The following SIPA1L1 variants were observed in gnomAD, a reference collection of about 807,000 sequenced individuals.
SIPA1L1 encodes signal induced proliferation associated 1 like 1.
Under a neutral mutation model 162.7 loss-of-function variants are expected in SIPA1L1, and 26 were observed. That is an observed-to-expected ratio of 0.16 (90% CI 0.12 to 0.22). The LOEUF (loss-of-function observed/expected upper bound fraction) is 0.22, where lower values mean the gene tolerates loss of function less well. SIPA1L1 is among the 10% of genes least tolerant of loss of function. The pLI, the probability that SIPA1L1 is intolerant of heterozygous loss-of-function variation, is 1.00. For synonymous variants in SIPA1L1, 829 were observed against 837.4 expected (o/e 0.99, Z 0.17); for missense variants, 1,874 against 2,241.0 (o/e 0.84, Z 3.31).
chr14:71,731,774 A>G (rs1028313974), intron 20 of SIPA1L1, among the ~76,000 whole-genome samples: 5 of 152,206 alleles, frequency 3.3e-5, no homozygotes, highest in African/African-American at 4.8e-5. Context: ...TGAGTCCACA[A>G]TGGAAAGGCA....
chr14:71,497,735 T>C (rs889355649), intron 2 of SIPA1L1: 1 of 152,260 alleles, frequency 6.6e-6, no homozygotes, highest in African/African-American at 2.4e-5. Flanking sequence ...CCAATTTGCT[T>C]ATACAATCAC....
At chr14:71,535,952 T>C (rs1269976895) in intron 4 of SIPA1L1, among the ~76,000 whole-genome samples, 3 of 152,246 alleles carry the variant, frequency 2.0e-5, no homozygotes, top group South Asian at 2.1e-4. Flanking sequence ...AGTGTATCTG[T>C]CCCCTGCTAC....
chr14:71,382,557 G>A (rs750413000), intron 2 of SIPA1L1, among the ~76,000 whole-genome samples: 5 of 152,146 alleles, frequency 3.3e-5, no homozygotes, highest in African/African-American at 9.7e-5. Context: ...GGCAGTTGTC[G>A]GTCTCTTTAA....
chr14:71,676,812 T>C (rs569892271), intron 12 of SIPA1L1, among the ~76,000 whole-genome samples: 2 of 152,182 alleles, frequency 1.3e-5, no homozygotes, highest in Admixed American at 1.3e-4. Context: ...TAATTCATCC[T>C]TTTTTACGGC....
At chr14:71,338,499 G>T (rs572775464) in intron 2 of SIPA1L1, among the ~76,000 whole-genome samples, 1 of 152,278 alleles carries the variant, frequency 6.6e-6, no homozygotes, top group South Asian at 2.1e-4. Flanking sequence ...TCTGGACAGG[G>T]TCATTGTAAA....
At chr14:71,651,013 T>C (rs1412038052) in intron 8 of SIPA1L1, among the ~76,000 whole-genome samples, 1 of 152,178 alleles carries the variant, frequency 6.6e-6, no homozygotes, top group Non-Finnish European at 1.5e-5. Flanking sequence ...TCTGAGAAAA[T>C]AGGCTTTTTA....
intron 2 of SIPA1L1, among the ~76,000 whole-genome samples, chr14:71,399,869 T>C (rs571016804): frequency 5.9e-5 from 9 of 152,154 alleles, no homozygotes; most frequent in African/African-American, 1.9e-4. Flanking sequence ...TACAGGTGTA[T>C]ACCATGACAC....
chr14:71,339,850 C>A (rs1465053719), intron 2 of SIPA1L1, among the ~76,000 whole-genome samples: 1 of 152,124 alleles, frequency 6.6e-6, no homozygotes, highest in Non-Finnish European at 1.5e-5. Flanking sequence ...TATAAACAAG[C>A]CTGTGAGATA....
intron 17 of SIPA1L1, among the ~76,000 whole-genome samples, chr14:71,711,379 G>T (rs142681621): frequency 2.1e-3 from 325 of 152,322 alleles, no homozygotes; most frequent in African/African-American, 7.4e-3. Flanking sequence ...TCAGTAGACT[G>T]TGCATTGACT....
chr14:71,480,238 A>G (rs1305092329), intron 2 of SIPA1L1, among the ~76,000 whole-genome samples: 5 of 151,576 alleles, frequency 3.3e-5, no homozygotes, highest in Non-Finnish European at 7.4e-5. Context: ...GTTTGCCACC[A>G]TGCCCAGCTA....
At chr14:71,550,350 G>C (rs1456904991) in intron 4 of SIPA1L1, among the ~76,000 whole-genome samples, 1 of 152,302 alleles carries the variant, frequency 6.6e-6, no homozygotes, top group East Asian at 1.9e-4. Context: ...CTTAGGAGAG[G>C]ACCTCAGAAA....
intron 5 of SIPA1L1, among the ~76,000 whole-genome samples, chr14:71,590,816 T>TG (rs1224741022): frequency 6.6e-6 from 1 of 152,194 alleles, no homozygotes; most frequent in Admixed American, 6.6e-5. Context: ...GATTCTTTGT[T>TG]GGGGTAGCGT....
chr14:71,736,913 C>G (rs944450659), intron 22 of SIPA1L1, among the ~76,000 whole-genome samples: 1 of 152,234 alleles, frequency 6.6e-6, no homozygotes, highest in Non-Finnish European at 1.5e-5. Flanking sequence ...GCTGCAGTGG[C>G]TTTGCGAAGG....
intron 2 of SIPA1L1, among the ~76,000 whole-genome samples, chr14:71,333,504 A>C (rs796139917): frequency 3.9e-4 from 59 of 152,248 alleles, no homozygotes; most frequent in South Asian, 8.3e-4. Flanking sequence ...GTAAAATGTA[A>C]GAATTTCCTC....
At chr14:71,560,947 C>T (rs1185846015) in intron 4 of SIPA1L1, among the ~76,000 whole-genome samples, 1 of 152,082 alleles carries the variant, frequency 6.6e-6, no homozygotes, top group South Asian at 2.1e-4. Context: ...ATAGCAAATA[C>T]TGTGTTTTAG....
intron 12 of SIPA1L1, among the ~76,000 whole-genome samples, chr14:71,684,169 A>G (rs142763837): frequency 9.5e-4 from 145 of 152,352 alleles, no homozygotes; most frequent in Non-Finnish European, 1.3e-3. Context: ...ATGGCAGCAG[A>G]CGCCATTGCT....
At chr14:71,402,846 CAAG>C (rs1446264482) in intron 2 of SIPA1L1, among the ~76,000 whole-genome samples, 4 of 151,996 alleles carry the variant, frequency 2.6e-5, no homozygotes, top group African/African-American at 7.2e-5. Context: ...AAATTAATAT[CAAG>C]GAGGAAGTTT....
intron 4 of SIPA1L1, among the ~76,000 whole-genome samples, chr14:71,555,846 G>A (rs910602491): frequency 2.0e-5 from 3 of 152,222 alleles, no homozygotes; most frequent in South Asian, 4.1e-4. Flanking sequence ...GAACTCAAAC[G>A]ACATTTGTTG....
rs1424968156 is a variant in SIPA1L1 at position 71,738,334 on chromosome 14, G to A, written c.5208+9G>A. Reference sequence around the variant, plus strand: ...GGGAAGATTTGAAGAAGGTAAACATGTATTCTCAAAGCAAATTGTCCAGTC... The same window carrying A: ...GGGAAGATTTGAAGAAGGTAAACATATATTCTCAAAGCAAATTGTCCAGTC... On this transcript the variant is annotated intron_variant, in intron 23 of 23. Transcript: ENST00000381232. 1.9e-6 allele frequency: 3 copies of A among 1,597,656 alleles called. No individual in the cohort carries two copies. Among genetic ancestry groups the A allele is most frequent in the African/African-American group, 1.3e-5 (1 of 74,586 alleles).
Sources: allele counts gnomAD v4.1 joint callset (sites outside exome capture counted in the v4.1 genomes callset), GRCh38; gene constraint gnomAD v4.1.1; transcripts MANE v1.5; gene names NCBI Gene and HGNC (gene_info 2026-07-23, HGNC 2026-07-21).